ALK: variants seen among roughly 807,000 people sequenced by gnomAD.
The protein encoded by ALK is ALK tyrosine kinase receptor.
In ALK, 74 loss-of-function variants were observed where a neutral mutation model predicts 163.1. The ratio of observed to expected loss-of-function variants is 0.45; its 90% CI spans 0.38 to 0.55. The LOEUF (loss-of-function observed/expected upper bound fraction) is 0.55, where lower values mean the gene tolerates loss of function less well. ALK is among the 20% of genes least tolerant of loss of function. The probability of loss-of-function intolerance (pLI) is 0.00; values close to 1 mark genes in which losing one functional copy is unlikely to be tolerated. For synonymous variants in ALK, 960 were observed against 843.2 expected (o/e 1.14, Z -2.40); for missense variants, 2,063 against 2,105.3 (o/e 0.98, Z 0.39).
At chr2:29,783,720 C>T (rs554851002) in intron 1 of ALK, among the ~76,000 whole-genome samples, 23 of 152,200 alleles carry the variant, frequency 1.5e-4, no homozygotes, top group African/African-American at 5.3e-4. Context: ...CCGAGGAGTT[C>T]GAAAGGACAC....
chr2:29,457,657 T>C (rs66831303), intron 4 of ALK, among the ~76,000 whole-genome samples: 25,058 of 152,036 alleles, frequency 0.16, 2,272 homozygotes, highest in East Asian at 0.35. Context: ...TGGGTTCAGA[T>C]CACGTTTTCA....
intron 3 of ALK, among the ~76,000 whole-genome samples, chr2:29,687,198 C>T (rs1678265650): frequency 6.6e-6 from 1 of 151,910 alleles, no homozygotes; most frequent in Non-Finnish European, 1.5e-5. Flanking sequence ...TACTTAGATG[C>T]TGGGATTGGC....
intron 4 of ALK, among the ~76,000 whole-genome samples, chr2:29,460,666 C>T (rs1219465717): frequency 6.6e-6 from 1 of 152,130 alleles, no homozygotes; most frequent in Non-Finnish European, 1.5e-5. Flanking sequence ...TGAATTTAAT[C>T]AATAAATGTT....
intron 4 of ALK, among the ~76,000 whole-genome samples, chr2:29,490,019 G>A (rs1671864323): frequency 1.3e-5 from 2 of 152,244 alleles, no homozygotes; most frequent in Non-Finnish European, 2.9e-5. Context: ...TTGACTTATA[G>A]GAACTAGGGC....
chr2:29,407,790 C>G (rs1669621725), intron 4 of ALK, among the ~76,000 whole-genome samples: 1 of 152,232 alleles, frequency 6.6e-6, no homozygotes, highest in South Asian at 2.1e-4. Context: ...CTATGGACCC[C>G]TAACATTTCA....
At position 29,556,501 on chromosome 2, in the gene ALK, T is replaced by C. The variant is rs533873088; in HGVS notation, c.953-24385A>G. Among the ~76,000 whole-genome samples the C allele has an allele frequency of 2.0e-5, 3 of 152,292 alleles. No homozygotes were observed. In the East Asian group the frequency reaches 5.8e-4, roughly 29 times the overall value. ...TTTCAATGACGAGGGATACAAGAAA[T>C]GTAGCAAGAATCAATTCTCAAGGTT... On this transcript the variant is annotated intron_variant, in intron 3 of 28. Transcript: ENST00000389048.
intron 3 of ALK, among the ~76,000 whole-genome samples, chr2:29,563,748 G>A (rs561248862): frequency 2.0e-5 from 3 of 152,274 alleles, no homozygotes; most frequent in East Asian, 3.9e-4. Flanking sequence ...GAACTATGGG[G>A]GGAGTTAAGT....
At chr2:29,354,529 C>T (rs576611637) in intron 5 of ALK, among the ~76,000 whole-genome samples, 1 of 152,058 alleles carries the variant, frequency 6.6e-6, no homozygotes, top group Admixed American at 6.6e-5. Flanking sequence ...CCAATGGGAG[C>T]CATGGCATCG....
intron 4 of ALK, among the ~76,000 whole-genome samples, chr2:29,496,351 G>A (rs1337274788): frequency 1.3e-5 from 2 of 152,126 alleles, no homozygotes; most frequent in African/African-American, 2.4e-5. Flanking sequence ...GTGTGGGCTC[G>A]TGGAACTAAT....
chr2:29,583,128 C>T (rs1674770884), intron 3 of ALK, among the ~76,000 whole-genome samples: 2 of 151,492 alleles, frequency 1.3e-5, no homozygotes, highest in African/African-American at 2.4e-5. Context: ...ATCCACCTGC[C>T]TCAGCCTCCC....
intron 5 of ALK, among the ~76,000 whole-genome samples, chr2:29,333,264 T>C (rs1259462444): frequency 6.6e-6 from 1 of 152,142 alleles, no homozygotes; most frequent in Non-Finnish European, 1.5e-5. Flanking sequence ...TACAGGTGCC[T>C]GCCACCATGC....
chr2:29,419,340 C>T (rs1669961273), intron 4 of ALK, among the ~76,000 whole-genome samples: 1 of 151,532 alleles, frequency 6.6e-6, no homozygotes, highest in Non-Finnish European at 1.5e-5. Flanking sequence ...AGGCATGAGC[C>T]ACCGCAACTG....
At chr2:29,288,296 C>G (rs1322444142) in intron 9 of ALK, among the ~76,000 whole-genome samples, 1 of 152,224 alleles carries the variant, frequency 6.6e-6, no homozygotes, top group Non-Finnish European at 1.5e-5. Context: ...GGGTTTCTGT[C>G]ATGTTCTGGA....
rs183276009 is a variant in ALK at position 29,619,954 on chromosome 2, G to A, written c.952+74896C>T. ...ATCGAGCTAGGGCTGCCCAACTCTA[G>A]CAGCCCCGAGGGATGCCTAGGGAGA... On this transcript the variant is annotated intron_variant, in intron 3 of 28. Coordinates refer to ENST00000389048, the MANE Select transcript of ALK (RefSeq NM_004304.5). Among the ~76,000 whole-genome samples the A allele has an allele frequency of 5.9e-3, 897 of 152,280 alleles. 4 individuals carry two copies. The highest frequency in any genetic ancestry group is 0.01 in the Non-Finnish European group (691 of 68,014).
At chr2:29,459,114 A>G (rs1385188247) in intron 4 of ALK, among the ~76,000 whole-genome samples, 1 of 152,178 alleles carries the variant, frequency 6.6e-6, no homozygotes, top group Non-Finnish European at 1.5e-5. Context: ...TATGCCTTAA[A>G]AACAAACAGC....
At chr2:29,642,472 T>C (rs1165515003) in intron 3 of ALK, among the ~76,000 whole-genome samples, 1 of 152,180 alleles carries the variant, frequency 6.6e-6, no homozygotes, top group Non-Finnish European at 1.5e-5. Flanking sequence ...CATGCATATA[T>C]TGAGAGACAA....
intron 1 of ALK, among the ~76,000 whole-genome samples, chr2:29,916,060 A>T (rs1667825195): frequency 6.6e-6 from 1 of 152,238 alleles, no homozygotes; most frequent in African/African-American, 2.4e-5. Flanking sequence ...TCCTTCTGCC[A>T]TTCTGCATCC....
chr2:29,750,972 A>C (rs1680349415), intron 1 of ALK, among the ~76,000 whole-genome samples: 1 of 152,202 alleles, frequency 6.6e-6, no homozygotes, highest in African/African-American at 2.4e-5. Flanking sequence ...CCAGCGGCTG[A>C]GGCAGGAGAA....
intron 9 of ALK, among the ~76,000 whole-genome samples, chr2:29,277,588 T>C (rs1327739240): frequency 3.9e-5 from 6 of 152,236 alleles, no homozygotes. Context: ...CCCAAATCTG[T>C]TGTAGCCGTG....
Sources: gnomAD v4.1 joint callset for allele counts (sites outside exome capture counted in the v4.1 genomes callset) on GRCh38, gnomAD v4.1.1 for gene constraint, MANE v1.5 for transcripts, NCBI Gene and HGNC (gene_info 2026-07-23, HGNC 2026-07-21) for gene names.